Variants in ATE1 observed in about 807,000 individuals in gnomAD.
The protein encoded by ATE1 is arginyltransferase 1.
In ATE1, 36 loss-of-function variants were observed where a neutral mutation model predicts 70.5. That is an observed-to-expected ratio of 0.51 (90% CI 0.39 to 0.67). The LOEUF (loss-of-function observed/expected upper bound fraction) is 0.67, where lower values mean the gene tolerates loss of function less well. Ranked by LOEUF, ATE1 falls within the 30% of genes least tolerant of loss-of-function variation. The pLI is 0.00. For synonymous variants in ATE1, 232 were observed against 219.3 expected (o/e 1.06, Z -0.51); for missense variants, 593 against 629.5 (o/e 0.94, Z 0.62).
chr10:121,898,934 C>T, intron 7 of ATE1: 2 of 1,613,914 alleles, frequency 1.2e-6, no homozygotes, highest in Non-Finnish European at 8.5e-7. Context: ...ACGACTTGAA[C>T]TCTGGGTCCT....
chr10:121,780,838 T>TG, intron 11 of ATE1, among the ~76,000 whole-genome samples: 1 of 152,296 alleles, frequency 6.6e-6, no homozygotes, highest in South Asian at 2.1e-4. Context: ...GACCCTCCTA[T>TG]GGGGACTCAC....
At chr10:121,817,677 T>C (rs1246497731) in intron 10 of ATE1, among the ~76,000 whole-genome samples, 1 of 152,126 alleles carries the variant, frequency 6.6e-6, no homozygotes, top group Non-Finnish European at 1.5e-5. Context: ...GGAAACAGTA[T>C]CTTTGTATCA....
chr10:121,757,079 A>G (rs116642894), intron 11 of ATE1, among the ~76,000 whole-genome samples: 1,575 of 151,910 alleles, frequency 0.01, 11 homozygotes, highest in African/African-American at 0.027. Context: ...CAATGCTTGG[A>G]TGCTTAGAAA....
rs1192220091 is a variant in ATE1 at position 121,743,525 on chromosome 10, C to T, written c.*155G>A. The T allele has an allele frequency of 1.5e-6, 2 of 1,316,594 alleles. No individual in the cohort carries two copies. The highest frequency in any genetic ancestry group is 1.9e-6 in the Non-Finnish European group (2 of 1,031,262). 81.6% of individuals were successfully genotyped at this position (1,316,594 alleles called of 1,614,324 possible). On this transcript the variant is annotated 3_prime_UTR_variant, in exon 12 of 12. Transcript: ENST00000224652. Reference sequence around the variant, plus strand: ...ATTAACTATGAGATTCTCACAGATACATTGCCACAAAATATTTTTTAAAAG... The same window carrying T: ...ATTAACTATGAGATTCTCACAGATATATTGCCACAAAATATTTTTTAAAAG...
chr10:121,772,845 A>G (rs1417855439), intron 11 of ATE1, among the ~76,000 whole-genome samples: 1 of 152,232 alleles, frequency 6.6e-6, no homozygotes, highest in Non-Finnish European at 1.5e-5. Flanking sequence ...GTCCAAATTC[A>G]ATGTGCATAA....
intron 11 of ATE1, among the ~76,000 whole-genome samples, chr10:121,788,067 A>G (rs1946285117): frequency 6.6e-6 from 1 of 152,206 alleles, no homozygotes; most frequent in Non-Finnish European, 1.5e-5. Context: ...TCTTTTAGTA[A>G]GATGTTCAGC....
Position 121,927,394 on chromosome 10 carries a change from G to A in ATE1, c.106+450C>T, listed in dbSNP as rs562241021. On this transcript the variant is annotated intron_variant, in intron 1 of 11. Coordinates refer to ENST00000224652, the MANE Select transcript of ATE1 (RefSeq NM_001001976.3). ...AAGGGCTCATCCTTCCTGTACATTCGTCCAGGGAAGTCTGATTCATACATG... is the reference window on the plus strand; with the variant it reads ...AAGGGCTCATCCTTCCTGTACATTCATCCAGGGAAGTCTGATTCATACATG... 3 of 978,598 alleles carry A rather than the reference G, an allele frequency of 3.1e-6. No homozygotes were observed. The South Asian group carries it at 1.4e-4, about 46-fold the overall frequency. 60.6% of individuals were successfully genotyped at this position (978,598 alleles called of 1,614,324 possible).
chr10:121,894,893 T>C (rs964399958), intron 7 of ATE1, among the ~76,000 whole-genome samples: 1 of 150,768 alleles, frequency 6.6e-6, no homozygotes, highest in Admixed American at 6.6e-5. Flanking sequence ...AGAGTGAGAC[T>C]CTGTCTCAAA....
chr10:121,927,891 A>AAGTCC lies in ATE1; in HGVS notation c.54_58dup (p.Phe20TrpfsTer25). The AAGTCC allele has an allele frequency of 6.3e-7, 1 of 1,591,980 alleles. No individual in the cohort carries two copies. The highest frequency in any genetic ancestry group is 8.5e-7 in the Non-Finnish European group (1 of 1,172,134). On this transcript the variant is annotated frameshift_variant, in exon 1 of 12. Coordinates refer to ENST00000224652, the MANE Select transcript of ATE1 (RefSeq NM_001001976.3). LOFTEE classifies it high-confidence loss of function. Reference sequence around the variant, plus strand: ...GTTCTTGCAGTAGCCGCAGCGGTAGAAGTCCTCGCTAGGGAAATAGTCCAC... The same window carrying AAGTCC: ...GTTCTTGCAGTAGCCGCAGCGGTAGAAGTCCAGTCCTCGCTAGGGAAATAGTCCAC...
At chr10:121,805,113 T>C (rs948667573) in intron 10 of ATE1, among the ~76,000 whole-genome samples, 6 of 152,198 alleles carry the variant, frequency 3.9e-5, no homozygotes, top group Non-Finnish European at 7.3e-5. Context: ...ACTTACACTA[T>C]GACTGCAAAG....
chr10:121,815,293 G>A (rs1225917102), intron 10 of ATE1, among the ~76,000 whole-genome samples: 2 of 152,044 alleles, frequency 1.3e-5, no homozygotes, highest in Non-Finnish European at 2.9e-5. Flanking sequence ...CCGCCACCAC[G>A]CCCGGCTAAT....
intron 10 of ATE1, among the ~76,000 whole-genome samples, chr10:121,812,719 A>G (rs771055017): frequency 2.6e-4 from 39 of 152,148 alleles, no homozygotes; most frequent in Non-Finnish European, 5.4e-4. Flanking sequence ...TCCCTCCTTC[A>G]CTATAATTTC....
intron 11 of ATE1, among the ~76,000 whole-genome samples, chr10:121,746,736 T>A (rs1944387880): frequency 6.9e-6 from 1 of 145,498 alleles, no homozygotes; most frequent in African/African-American, 2.6e-5. Flanking sequence ...TTAGATTACA[T>A]CCCTTATTTT....
chr10:121,928,110 A>C, upstream of ATE1: 1 of 1,226,040 alleles, frequency 8.2e-7, no homozygotes, highest in Non-Finnish European at 1.0e-6. Flanking sequence ...CTTGGAGCTG[A>C]CGCCGCCCGC....
chr10:121,859,643 G>GT (rs1216584218), intron 8 of ATE1, among the ~76,000 whole-genome samples: 1 of 152,128 alleles, frequency 6.6e-6, no homozygotes, highest in African/African-American at 2.4e-5. Flanking sequence ...GAGTAATGGT[G>GT]TAAGACTTGA....
chr10:121,775,215 C>T (rs1490920480), intron 11 of ATE1, among the ~76,000 whole-genome samples: 1 of 151,530 alleles, frequency 6.6e-6, no homozygotes, highest in African/African-American at 2.4e-5. Flanking sequence ...ATGTAGTTGA[C>T]CAATAAAACT....
intron 11 of ATE1, among the ~76,000 whole-genome samples, chr10:121,777,456 G>A (rs1481837836): frequency 1.4e-5 from 2 of 147,322 alleles, no homozygotes; most frequent in Non-Finnish European, 2.9e-5. Flanking sequence ...AATCTCTTTA[G>A]AGTTAAAAAG....
chr10:121,744,897 C>A (rs1049951825), intron 11 of ATE1, among the ~76,000 whole-genome samples: 2 of 152,160 alleles, frequency 1.3e-5, no homozygotes, highest in African/African-American at 4.8e-5. Flanking sequence ...GGATAGCTGA[C>A]CTGTACCTTT....
At chr10:121,780,652 T>A (rs1945944410) in intron 11 of ATE1, among the ~76,000 whole-genome samples, 1 of 152,208 alleles carries the variant, frequency 6.6e-6, no homozygotes, top group South Asian at 2.1e-4. Flanking sequence ...GCCAGCTGCA[T>A]CTGGCCTGCT....
Sources: allele counts gnomAD v4.1 joint callset (sites outside exome capture counted in the v4.1 genomes callset), GRCh38; gene constraint gnomAD v4.1.1; transcripts MANE v1.5; gene names NCBI Gene and HGNC (gene_info 2026-07-23, HGNC 2026-07-21).